Variants in L3MBTL4 observed in about 807,000 individuals in gnomAD.
L3MBTL4 encodes lethal(3)malignant brain tumor-like protein 4.
In L3MBTL4, 70 loss-of-function variants were observed where a neutral mutation model predicts 84.5. That is an observed-to-expected ratio of 0.83 (90% CI 0.68 to 1.01). L3MBTL4 has a LOEUF of 1.01. Ranked by LOEUF, L3MBTL4 falls within the 50% of genes least tolerant of loss-of-function variation. The pLI is 0.00. For synonymous variants in L3MBTL4, 274 were observed against 259.8 expected, an observed-to-expected ratio of 1.05 and a Z score of -0.52; for missense variants, 715 against 754.8, an observed-to-expected ratio of 0.95 and a Z score of 0.62.
chr18:6,124,323 A>T (rs2059618500), intron 14 of L3MBTL4, among the ~76,000 whole-genome samples: 1 of 151,928 alleles, frequency 6.6e-6, no homozygotes, highest in Non-Finnish European at 1.5e-5. Flanking sequence ...TCTCGTACAA[A>T]GGAGGACATT....
At chr18:6,089,221 G>A (rs1239907745) in intron 15 of L3MBTL4, among the ~76,000 whole-genome samples, 2 of 152,054 alleles carry the variant, frequency 1.3e-5, no homozygotes, top group African/African-American at 2.4e-5. Flanking sequence ...TGATGAAAAT[G>A]TTTTAATGAC....
chr18:6,226,188 C>G (rs2046776681), intron 10 of L3MBTL4, among the ~76,000 whole-genome samples: 1 of 152,182 alleles, frequency 6.6e-6, no homozygotes, highest in African/African-American at 2.4e-5. Context: ...AGGTGGATTA[C>G]TTGACGTCAG....
intron 15 of L3MBTL4, among the ~76,000 whole-genome samples, chr18:6,084,033 G>C (rs1231660943): frequency 6.6e-6 from 1 of 152,104 alleles, no homozygotes; most frequent in East Asian, 1.9e-4. Context: ...GCCCTGAACT[G>C]GATGCTTAAC....
chr18:6,387,216 A>G (rs376144068), intron 1 of L3MBTL4, among the ~76,000 whole-genome samples: 4 of 152,318 alleles, frequency 2.6e-5, no homozygotes, highest in East Asian at 3.9e-4. Flanking sequence ...GGGAAGCTGA[A>G]ACAGGACGCC....
intron 16 of L3MBTL4, among the ~76,000 whole-genome samples, chr18:6,010,143 A>C (rs940648740): frequency 1.3e-4 from 20 of 151,266 alleles, no homozygotes; most frequent in Non-Finnish European, 2.7e-4. Flanking sequence ...TTTTTTTTTT[A>C]AGGTGGTAAA....
intron 1 of L3MBTL4, among the ~76,000 whole-genome samples, chr18:6,347,159 G>A (rs528507817): frequency 1.4e-4 from 22 of 152,064 alleles, no homozygotes; most frequent in South Asian, 1.0e-3. Flanking sequence ...TGATGGTGCC[G>A]GGAGCTGAGG....
At chr18:6,051,666 C>T (rs2056845717) in intron 16 of L3MBTL4, among the ~76,000 whole-genome samples, 1 of 152,168 alleles carries the variant, frequency 6.6e-6, no homozygotes, top group South Asian at 2.1e-4. Context: ...TGTTCTGTGA[C>T]TGTGGTGGAG....
chr18:6,037,727 C>G (rs963956559), intron 16 of L3MBTL4, among the ~76,000 whole-genome samples: 2 of 152,224 alleles, frequency 1.3e-5, no homozygotes, highest in Admixed American at 1.3e-4. Context: ...GCCAACATAA[C>G]TGCAACCAAC....
intron 5 of L3MBTL4, among the ~76,000 whole-genome samples, chr18:6,257,903 C>T (rs2048223403): frequency 6.6e-6 from 1 of 152,154 alleles, no homozygotes; most frequent in Non-Finnish European, 1.5e-5. Context: ...ACCTCGGCCT[C>T]CCAAAGTGCT....
chr18:6,366,524 A>G (rs2053941502), intron 1 of L3MBTL4, among the ~76,000 whole-genome samples: 1 of 152,252 alleles, frequency 6.6e-6, no homozygotes, highest in Non-Finnish European at 1.5e-5. Context: ...TTCTTTCAAA[A>G]TGAAGGAAAT....
chr18:6,390,164 CTA>C (rs58699401), intron 1 of L3MBTL4, among the ~76,000 whole-genome samples: 1,560 of 151,558 alleles, frequency 0.01, 23 homozygotes, highest in African/African-American at 0.035. Flanking sequence ...GACTATATAT[CTA>C]TATATATATA....
chr18:5,968,287 A>G (rs891776722), intron 17 of L3MBTL4, among the ~76,000 whole-genome samples: 5 of 152,254 alleles, frequency 3.3e-5, no homozygotes, highest in Non-Finnish European at 7.3e-5. Flanking sequence ...TAAAAACAGT[A>G]TCTTTATCCA....
intron 16 of L3MBTL4, among the ~76,000 whole-genome samples, chr18:6,033,457 A>C (rs982389200): frequency 6.6e-6 from 1 of 152,152 alleles, no homozygotes; most frequent in Non-Finnish European, 1.5e-5. Context: ...TGGAGAGTTT[A>C]ATCTGTTTAC....
At chr18:6,049,904 TG>T (rs1247312754) in intron 16 of L3MBTL4, among the ~76,000 whole-genome samples, 2 of 152,218 alleles carry the variant, frequency 1.3e-5, no homozygotes, top group Non-Finnish European at 2.9e-5. Context: ...GGAAAGTAAC[TG>T]CACACAAAGC....
chr18:5,994,935 G>A (rs1567961633), intron 16 of L3MBTL4, among the ~76,000 whole-genome samples: 2 of 152,222 alleles, frequency 1.3e-5, no homozygotes, highest in Admixed American at 1.3e-4. Flanking sequence ...TATTCAGGGT[G>A]TTTTATCCCC....
chr18:6,268,950 C>T (rs970117721), intron 4 of L3MBTL4, among the ~76,000 whole-genome samples: 3 of 152,078 alleles, frequency 2.0e-5, no homozygotes, highest in African/African-American at 7.2e-5. Context: ...TCATGGAGAT[C>T]ACACAGTTCA....
chr18:6,047,513 G>C (rs1323702405), intron 16 of L3MBTL4, among the ~76,000 whole-genome samples: 1 of 152,112 alleles, frequency 6.6e-6, no homozygotes, highest in Non-Finnish European at 1.5e-5. Flanking sequence ...CAAAATACTA[G>C]CAAACTGAAT....
At chr18:6,339,974 T>TGG (rs1414171004) in intron 1 of L3MBTL4, among the ~76,000 whole-genome samples, 1,643 of 152,278 alleles carry the variant, frequency 0.011, 39 homozygotes, top group African/African-American at 0.037. Context: ...AGAGCTTCAC[T>TGG]AGTGAATTCT....
chr18:6,195,328 A>G (rs1041886352), intron 12 of L3MBTL4, among the ~76,000 whole-genome samples: 1 of 152,168 alleles, frequency 6.6e-6, no homozygotes, highest in Non-Finnish European at 1.5e-5. Context: ...TCAATTGCAC[A>G]TGTGGATGTC....
Sources: allele counts gnomAD v4.1 joint callset (sites outside exome capture counted in the v4.1 genomes callset), GRCh38; gene constraint gnomAD v4.1.1; transcripts MANE v1.5; gene names NCBI Gene and HGNC (gene_info 2026-07-23, HGNC 2026-07-21).